The following SUPT20H variants were observed in gnomAD, a reference collection of about 807,000 sequenced individuals.
The protein encoded by SUPT20H is SPT20 homolog, SAGA complex component.
A neutral mutation model predicts 122.8 loss-of-function variants in SUPT20H; 82 were observed. That is an observed-to-expected ratio of 0.67 (90% CI 0.56 to 0.80). The LOEUF is 0.80. Among genes scored for constraint, SUPT20H ranks in the 30% least tolerant of loss-of-function variants. The pLI is 0.00. For missense variants in SUPT20H, 831 were observed against 921.6 expected (o/e 0.90, Z 1.27); for synonymous variants, 291 against 313.0 (o/e 0.93, Z 0.74).
At chr13:37,029,671 C>T in intron 13 of SUPT20H, 94 bp downstream of exon 13, 1 of 1,056,894 alleles carries the variant, frequency 9.5e-7, no homozygotes, top group Non-Finnish European at 1.4e-6. Flanking sequence ...AAAAAGGTCC[C>T]AAACTAATGG....
chr13:37,025,244 C>CA, intron 17 of SUPT20H, 76 bp downstream of exon 17: 2 of 1,318,638 alleles, frequency 1.5e-6, no homozygotes, highest in Non-Finnish European at 2.2e-6. Context: ...GCCTAGCCTC[C>CA]AAAAATGATT....
chr13:37,039,322 T>A (rs2065054436), intron 9 of SUPT20H: 1 of 152,184 alleles, frequency 6.6e-6, no homozygotes, highest in Non-Finnish European at 1.5e-5. Context: ...TAAAGCATTC[T>A]TTCCAGTATA....
chr13:37,012,240 C>T lies in SUPT20H; in HGVS notation c.2050G>A (p.Val684Ile), dbSNP rs1428522689. 6.2e-7 allele frequency: 1 copy of T among 1,613,368 alleles called. No homozygotes were observed. The highest frequency in any genetic ancestry group is 8.5e-7 in the Non-Finnish European group (1 of 1,179,530). ...CTTCCTACTCCAGTAAGGTTAATAACAGCAGCTTGCTGAGCAGATAAGGCC... is the reference window on the plus strand; with the variant it reads ...CTTCCTACTCCAGTAAGGTTAATAATAGCAGCTTGCTGAGCAGATAAGGCC... The part of the protein sequence containing the change: ...EQALSAQQAA[V>I]INLTGVGSFM... The change falls in exon 24 of 26, where the codon GTT (valine) becomes ATT (isoleucine). Residue 684 changes from valine to isoleucine, a missense_variant. Physicochemically the swap from Val to Ile is conservative, Grantham distance 29. Coordinates refer to ENST00000350612, the MANE Select transcript of SUPT20H (RefSeq NM_001014286.3).
chr13:37,041,517 C>CA (rs1320349837), intron 7 of SUPT20H, among the ~76,000 whole-genome samples: 2,610 of 85,268 alleles, frequency 0.031, 24 homozygotes, highest in African/African-American at 0.042. Flanking sequence ...GACTCCACCT[C>CA]AAAAAAAAAA....
At chr13:37,056,315 C>G (rs536078275) in intron 1 of SUPT20H, among the ~76,000 whole-genome samples, 1 of 152,170 alleles carries the variant, frequency 6.6e-6, no homozygotes, top group East Asian at 1.9e-4. Flanking sequence ...CACATGCACA[C>G]GTATGTTTAT....
chr13:37,054,511 C>A (rs530180942), intron 1 of SUPT20H, among the ~76,000 whole-genome samples: 6 of 152,246 alleles, frequency 3.9e-5, no homozygotes, highest in South Asian at 2.1e-4. Flanking sequence ...GAACCCATGA[C>A]AAAAACCACG....
chr13:37,045,214 A>AT, intron 6 of SUPT20H, 33 bp downstream of exon 6: 1 of 1,607,542 alleles, frequency 6.2e-7, no homozygotes, highest in South Asian at 1.1e-5. Context: ...TAGCAAAAGT[A>AT]TTTTGTGGCA....
At chr13:37,012,136 C>T in intron 24 of SUPT20H, 56 bp downstream of exon 24, 4 of 1,381,472 alleles carry the variant, frequency 2.9e-6, no homozygotes, top group Non-Finnish European at 4.1e-6. Context: ...GGTGAGATCC[C>T]AAATAGATTA....
intron 19 of SUPT20H, chr13:37,023,801 T>A: frequency 2.8e-6 from 1 of 351,692 alleles, no homozygotes; most frequent in African/African-American, 2.1e-5. Flanking sequence ...TGTAAGCCTA[T>A]AAGAAAGGTA....
rs755154109 is a variant in SUPT20H at position 37,051,601 on chromosome 13, T to C, written c.-93-18A>G. The C allele has an allele frequency of 2.9e-5, 24 of 827,594 alleles. No individual in the cohort carries two copies. Among genetic ancestry groups the C allele is most frequent in the Non-Finnish European group, 4.5e-5 (24 of 527,690 alleles). 51.3% of individuals were successfully genotyped at this position (827,594 alleles called of 1,614,324 possible). ...TTACAGTACTGAAAAGCAAAAACAA[T>C]AAAACCCCAATATTAACATAAGGCT... On this transcript the variant is annotated intron_variant, in intron 1 of 25. Coordinates refer to ENST00000350612, the MANE Select transcript of SUPT20H (RefSeq NM_001014286.3).
chr13:37,017,306 T>C lies in SUPT20H; in HGVS notation c.1931A>G (p.Gln644Arg). The change falls in exon 23 of 26, where the codon CAG (glutamine) becomes CGG (arginine). Residue 644 changes from glutamine to arginine, a missense_variant. Coordinates refer to ENST00000350612, the MANE Select transcript of SUPT20H (RefSeq NM_001014286.3). ...CTGCTGAGGTTGTTGTGGTGTAAAC[T>C]GGGAGAGCTGCTGTTGCTGCTGCTG... ...TLQQQQQQLSQFTPQQPQQPT... is the reference protein window; with the variant it reads ...TLQQQQQQLSRFTPQQPQQPT... 6.2e-7 allele frequency: 1 copy of C among 1,614,138 alleles called. No individual in the cohort carries two copies. The highest frequency in any genetic ancestry group is 8.5e-7 in the Non-Finnish European group (1 of 1,179,990).
At chr13:37,023,123 T>C in intron 19 of SUPT20H, 1 of 1,178,150 alleles carries the variant, frequency 8.5e-7, no homozygotes. Flanking sequence ...CTGTGTGCAG[T>C]AGATTACCAT....
chr13:37,020,785 G>C lies in SUPT20H; in HGVS notation c.1816+663C>G, dbSNP rs540243046. ...TTCAAGTGAAACTGAATCGTTTCAA[G>C]ATATTATAATACATTATTTTAAAGA... On this transcript the variant is annotated intron_variant, in intron 21 of 25. Coordinates refer to ENST00000350612, the MANE Select transcript of SUPT20H (RefSeq NM_001014286.3). Among the ~76,000 whole-genome samples, 497 of 152,086 alleles carry C rather than the reference G, an allele frequency of 3.3e-3. 4 individuals carry two copies. Among genetic ancestry groups the C allele is most frequent in the African/African-American group, 0.011 (470 of 41,476 alleles).
At chr13:37,040,190 G>T in intron 9 of SUPT20H, 1 of 435,482 alleles carries the variant, frequency 2.3e-6, no homozygotes, top group Non-Finnish European at 4.1e-6. Context: ...TATTAGGCCA[G>T]CTTGACCTTA....
At chr13:37,054,400 C>T (rs1038798449) in intron 1 of SUPT20H, among the ~76,000 whole-genome samples, 3 of 152,176 alleles carry the variant, frequency 2.0e-5, no homozygotes, top group African/African-American at 4.8e-5. Flanking sequence ...TCCAGCAGCA[C>T]ATCAAAAAGC....
At chr13:37,029,933 G>A (rs1048630924) in intron 12 of SUPT20H, 97 bp from the exon 13 acceptor site, 4 of 878,890 alleles carry the variant, frequency 4.6e-6, no homozygotes, top group Admixed American at 3.0e-5. Context: ...TAAGTAACTC[G>A]ACAATACAAT....
intron 5 of SUPT20H, 97 bp from the exon 6 acceptor site, chr13:37,045,470 G>T: frequency 6.9e-7 from 1 of 1,442,630 alleles, no homozygotes; most frequent in Non-Finnish European, 9.4e-7. Context: ...TTAACCTTTT[G>T]GTGCTCTTTC....
In SUPT20H at chr13:37,051,511, CA is replaced by C; in HGVS notation, c.-22del. The stretch of plus-strand genomic sequence containing the variant: ...ACCATTATGGCATAAAATAAGGGTC[CA>C]AAAGAAGAGATAACTTATGTACGCT... On this transcript the variant is annotated 5_prime_UTR_variant, in exon 2 of 26. Coordinates refer to ENST00000350612, the MANE Select transcript of SUPT20H (RefSeq NM_001014286.3). 6.2e-7 allele frequency: 1 copy of C among 1,610,824 alleles called. No homozygotes were observed. The highest frequency in any genetic ancestry group is 2.2e-5 in the East Asian group (1 of 44,754).
intron 23 of SUPT20H, among the ~76,000 whole-genome samples, chr13:37,015,708 C>G (rs1018276585): frequency 6.6e-6 from 1 of 152,048 alleles, no homozygotes; most frequent in Non-Finnish European, 1.5e-5. Flanking sequence ...AAGACAGGGT[C>G]TCAAAGAGAT....
Sources: gnomAD v4.1 joint callset for allele counts (sites outside exome capture counted in the v4.1 genomes callset) on GRCh38, gnomAD v4.1.1 for gene constraint, MANE v1.5 for transcripts, NCBI Gene and HGNC (gene_info 2026-07-23, HGNC 2026-07-21) for gene names.